SPMIP7: variants seen among roughly 807,000 people sequenced by gnomAD.
SPMIP7 encodes protein SPMIP7.
At chr7:50,157,304 A>T in the SPMIP7 span, among the ~76,000 whole-genome samples, 23 of 152,290 alleles carry the variant, frequency 1.5e-4, no homozygotes, top group African/African-American at 5.5e-4. Flanking sequence ...GTTCAAAGAG[A>T]TTTGAAGTGA....
the SPMIP7 span, among the ~76,000 whole-genome samples, chr7:50,133,681 C>T: frequency 2.0e-5 from 3 of 152,030 alleles, no homozygotes; most frequent in Admixed American, 6.6e-5. Flanking sequence ...TCTCATCTTC[C>T]GGGATCATTC....
At chr7:50,151,506 C>A in the SPMIP7 span, 1 of 1,551,634 alleles carries the variant, frequency 6.4e-7, no homozygotes, top group Non-Finnish European at 8.7e-7. Flanking sequence ...ACCCACCCAG[C>A]AAATTCTAAT....
chr7:50,159,063 T>C, the SPMIP7 span: 1 of 1,551,998 alleles, frequency 6.4e-7, no homozygotes, highest in Admixed American at 2.0e-5. Context: ...CAGAAAGAAA[T>C]GGCAGTTGAC....
the SPMIP7 span, chr7:50,134,291 G>T: frequency 6.9e-7 from 1 of 1,454,546 alleles, no homozygotes; most frequent in South Asian, 1.4e-5. Flanking sequence ...CATTGTTATT[G>T]AAATGAGTTC....
the SPMIP7 span, among the ~76,000 whole-genome samples, chr7:50,155,816 G>A: frequency 6.6e-6 from 1 of 152,282 alleles, no homozygotes. Context: ...TACACACATG[G>A]CTGTCATCCA....
At chr7:50,136,557 TA>T in the SPMIP7 span, among the ~76,000 whole-genome samples, 3 of 152,006 alleles carry the variant, frequency 2.0e-5, no homozygotes, top group African/African-American at 7.2e-5. Context: ...TACAATAATA[TA>T]AAATAGGGAG....
At chr7:50,128,385 A>G in the SPMIP7 span, among the ~76,000 whole-genome samples, 1 of 151,944 alleles carries the variant, frequency 6.6e-6, no homozygotes, top group Non-Finnish European at 1.5e-5. Flanking sequence ...AATAATTAAG[A>G]CCATGTTTGA....
chr7:50,105,906 T>C, the SPMIP7 span, among the ~76,000 whole-genome samples: 2 of 152,198 alleles, frequency 1.3e-5, no homozygotes, highest in Non-Finnish European at 2.9e-5. Flanking sequence ...TATAAGAAAC[T>C]GAAGACCTTG....
the SPMIP7 span, among the ~76,000 whole-genome samples, chr7:50,157,421 G>T: frequency 6.6e-6 from 1 of 152,096 alleles, no homozygotes; most frequent in East Asian, 1.9e-4. Flanking sequence ...CATTTCCACC[G>T]CAGTCCAGTG....
At chr7:50,154,316 A>G in the SPMIP7 span, among the ~76,000 whole-genome samples, 1 of 152,162 alleles carries the variant, frequency 6.6e-6, no homozygotes, top group South Asian at 2.1e-4. Context: ...TGTAGTCCTC[A>G]TGATGGATCT....
the SPMIP7 span, chr7:50,140,028 T>C: frequency 1.4e-6 from 1 of 719,318 alleles, no homozygotes; most frequent in Non-Finnish European, 2.2e-6. Context: ...AAAGGACAAT[T>C]CCTATGAGAT....
the SPMIP7 span, among the ~76,000 whole-genome samples, chr7:50,118,244 G>A: frequency 6.6e-6 from 1 of 152,056 alleles, no homozygotes; most frequent in Non-Finnish European, 1.5e-5. Context: ...CTTCCTTCTG[G>A]TACTTCCTGA....
At chr7:50,132,410 T>C in the SPMIP7 span, among the ~76,000 whole-genome samples, 46 of 152,288 alleles carry the variant, frequency 3.0e-4, no homozygotes, top group African/African-American at 1.0e-3. Context: ...ACAGTTAATA[T>C]TTTATTAAGG....
At chr7:50,121,657 T>TC in the SPMIP7 span, among the ~76,000 whole-genome samples, 2 of 152,050 alleles carry the variant, frequency 1.3e-5, no homozygotes, top group Middle Eastern at 3.4e-3. Flanking sequence ...TCTTTTTTTT[T>TC]TCTTTTCTTT....
the SPMIP7 span, among the ~76,000 whole-genome samples, chr7:50,108,314 A>G: frequency 6.6e-6 from 1 of 152,220 alleles, no homozygotes; most frequent in Non-Finnish European, 1.5e-5. Context: ...CAGCAAGGAA[A>G]TTAGGTAGAT....
chr7:50,134,181 A>T, the SPMIP7 span: 3 of 1,550,302 alleles, frequency 1.9e-6, no homozygotes, highest in Non-Finnish European at 2.6e-6. Context: ...ATTGGAAAAA[A>T]CCGCTGACCC....
chr7:50,125,115 T>TATATATATATATACACACACAC, the SPMIP7 span, among the ~76,000 whole-genome samples: 5 of 25,414 alleles, frequency 2.0e-4, no homozygotes, highest in East Asian at 6.6e-3. Flanking sequence ...TATATATATA[T>TATATATATATATACACACACAC]ACACACACAC....
chr7:50,139,093 G>A, the SPMIP7 span, among the ~76,000 whole-genome samples: 1 of 152,124 alleles, frequency 6.6e-6, no homozygotes, highest in Non-Finnish European at 1.5e-5. Flanking sequence ...GCTCACACCT[G>A]TAATCCCAGC....
chr7:50,123,988 C>A, the SPMIP7 span, among the ~76,000 whole-genome samples: 5 of 152,032 alleles, frequency 3.3e-5, no homozygotes, highest in African/African-American at 1.2e-4. Flanking sequence ...ATGCTATTTA[C>A]AAGAGGCATA....
Sources: allele counts gnomAD v4.1 joint callset (sites outside exome capture counted in the v4.1 genomes callset), GRCh38; gene constraint gnomAD v4.1.1; transcripts MANE v1.5; gene names NCBI Gene and HGNC (gene_info 2026-07-23, HGNC 2026-07-21).